The following NPLOC4 variants were observed in gnomAD, a reference collection of about 807,000 sequenced individuals.
The protein encoded by NPLOC4 is nuclear protein localization protein 4 homolog.
A neutral mutation model predicts 80.6 loss-of-function variants in NPLOC4; 18 were observed. The observed-to-expected ratio is 0.22, with a 90% CI of 0.15 to 0.33. The LOEUF (loss-of-function observed/expected upper bound fraction) is 0.33. Among genes scored for constraint, NPLOC4 ranks in the 10% least tolerant of loss-of-function variants. The pLI is 1.00. For synonymous variants in NPLOC4, 313 were observed against 301.5 expected (o/e 1.04, Z -0.39); for missense variants, 540 against 786.1 (o/e 0.69, Z 3.74).
intron 12 of NPLOC4, among the ~76,000 whole-genome samples, chr17:81,584,780 TA>T (rs1185702746): frequency 2.0e-5 from 3 of 152,018 alleles, no homozygotes; most frequent in African/African-American, 7.2e-5. Context: ...GTAACAGGCT[TA>T]AAAAAAATTA....
intron 12 of NPLOC4, among the ~76,000 whole-genome samples, chr17:81,573,216 A>G (rs559169232): frequency 6.6e-6 from 1 of 152,274 alleles, no homozygotes; most frequent in Non-Finnish European, 1.5e-5. Context: ...ATACATCCAT[A>G]ATTTCCAATT....
At chr17:81,589,138 A>G (rs755895053) in intron 11 of NPLOC4, 34 bp from the exon 12 acceptor site, 7 of 1,592,124 alleles carry the variant, frequency 4.4e-6, no homozygotes, top group Admixed American at 1.8e-5. Context: ...AGAGTCTACC[A>G]AACGGCATTC....
chr17:81,559,247 A>C lies in NPLOC4; in HGVS notation c.*12T>G. On this transcript the variant is annotated 3_prime_UTR_variant, in exon 17 of 17. Coordinates refer to ENST00000331134, the MANE Select transcript of NPLOC4 (RefSeq NM_017921.4). ...GGCTGGGCCCGGTCCTAGCCAGCAG[A>C]GGGCAGGCGCCCTAGGTCCTGGGGA... 2 of 1,593,682 alleles carry C rather than the reference A, an allele frequency of 1.3e-6. No homozygotes were observed. Among genetic ancestry groups the C allele is most frequent in the Non-Finnish European group, 1.7e-6 (2 of 1,171,248 alleles).
At chr17:81,598,537 C>G (rs949102423) in intron 9 of NPLOC4, among the ~76,000 whole-genome samples, 1 of 152,210 alleles carries the variant, frequency 6.6e-6, no homozygotes, top group African/African-American at 2.4e-5. Flanking sequence ...ATAATGCAGA[C>G]TTCACACAGC....
At position 81,577,972 on chromosome 17, in the gene NPLOC4, C is replaced by T. The variant is rs1451249157; in HGVS notation, c.1282-5884G>A. On this transcript the variant is annotated intron_variant, in intron 12 of 16. Coordinates refer to ENST00000331134, the MANE Select transcript of NPLOC4 (RefSeq NM_017921.4). This position sits in a 1 kb window ranked among gnomAD's most constrained non-coding sequence, Gnocchi z 4.3. ...AGGATGGGTCTTCTACAGCGGGGAC[C>T]TCCCCTGCCCACCCCATCCGGCTGT... Among the ~76,000 whole-genome samples the T allele has an allele frequency of 6.6e-6, 1 of 152,214 alleles. No individual in the cohort carries two copies. Among genetic ancestry groups the T allele is most frequent in the African/African-American group, 2.4e-5 (1 of 41,448 alleles).
At chr17:81,623,557 G>A (rs2035722842) in intron 2 of NPLOC4, among the ~76,000 whole-genome samples, 1 of 150,808 alleles carries the variant, frequency 6.6e-6, no homozygotes, top group South Asian at 2.1e-4. Flanking sequence ...CCAGCATTTT[G>A]GGAGGCCGAG....
At chr17:81,634,292 T>C (rs762590339) in intron 1 of NPLOC4, among the ~76,000 whole-genome samples, 1 of 151,764 alleles carries the variant, frequency 6.6e-6, no homozygotes, top group Non-Finnish European at 1.5e-5. Context: ...TGAGCCACCA[T>C]GCCCAGCCCA....
At chr17:81,598,164 ATG>A (rs1461334795) in intron 9 of NPLOC4, among the ~76,000 whole-genome samples, 3 of 151,982 alleles carry the variant, frequency 2.0e-5, no homozygotes, top group Non-Finnish European at 4.4e-5. Flanking sequence ...CTTAAAAAGA[ATG>A]TTCTCAGTCA....
intron 16 of NPLOC4, chr17:81,560,927 A>T (rs12449763): frequency 0.23 from 35,183 of 151,804 alleles, 4,401 homozygotes; most frequent in Admixed American, 0.3. Flanking sequence ...ACGGCTTCTC[A>T]TGTTTTAATT....
chr17:81,571,880 T>G (rs1013914144), intron 13 of NPLOC4, 137 bp downstream of exon 13: 1 of 483,726 alleles, frequency 2.1e-6, no homozygotes, highest in Admixed American at 3.4e-5. Flanking sequence ...TGGGTGCCTG[T>G]TCTGGGGTGG....
intron 8 of NPLOC4, among the ~76,000 whole-genome samples, chr17:81,601,767 T>C (rs1459474125): frequency 6.6e-6 from 1 of 152,168 alleles, no homozygotes; most frequent in Non-Finnish European, 1.5e-5. Context: ...CTACATCTAT[T>C]GCTATACAAA....
intron 5 of NPLOC4, 54 bp downstream of exon 5, chr17:81,610,156 G>C (rs1840369992): frequency 6.6e-7 from 1 of 1,507,960 alleles, no homozygotes; most frequent in Non-Finnish European, 9.0e-7. Context: ...TAAGACAGCT[G>C]TCTACCCGCA....
At chr17:81,570,240 G>A (rs377352359) in intron 13 of NPLOC4, among the ~76,000 whole-genome samples, 2 of 152,328 alleles carry the variant, frequency 1.3e-5, no homozygotes, top group African/African-American at 2.4e-5. Context: ...ACATGGCCTC[G>A]TCAGTTAGGG....
At chr17:81,569,599 C>T (rs1395931715) in intron 13 of NPLOC4, among the ~76,000 whole-genome samples, 1 of 152,224 alleles carries the variant, frequency 6.6e-6, no homozygotes, top group African/African-American at 2.4e-5. Flanking sequence ...AGACACAAAG[C>T]ACCCTTCAGC....
At chr17:81,593,167 A>AT (rs780380508) in intron 11 of NPLOC4, among the ~76,000 whole-genome samples, 1 of 152,160 alleles carries the variant, frequency 6.6e-6, no homozygotes, top group Admixed American at 6.5e-5. Flanking sequence ...CTGTTTTATA[A>AT]ATAGCCACAA....
At chr17:81,612,320 G>A (rs545499897) in intron 4 of NPLOC4, among the ~76,000 whole-genome samples, 15 of 152,102 alleles carry the variant, frequency 9.9e-5, no homozygotes, top group Non-Finnish European at 1.9e-4. Flanking sequence ...TTCCTAATAG[G>A]CAGGATCTAA....
chr17:81,566,451 T>C (rs1438848997), intron 15 of NPLOC4: 1 of 152,238 alleles, frequency 6.6e-6, no homozygotes, highest in Non-Finnish European at 1.5e-5. Flanking sequence ...AAGGTGGCTC[T>C]GGTGTAGAGG....
At chr17:81,631,702 G>C (rs8074989) in intron 1 of NPLOC4, among the ~76,000 whole-genome samples, 93,564 of 151,840 alleles carry the variant, frequency 0.62, 30,866 homozygotes, top group East Asian at 0.99. Flanking sequence ...AGGAACATGC[G>C]CATAAGTGTC....
intron 12 of NPLOC4, among the ~76,000 whole-genome samples, chr17:81,582,303 G>T (rs539650853): frequency 6.6e-6 from 1 of 152,340 alleles, no homozygotes; most frequent in Non-Finnish European, 1.5e-5. Flanking sequence ...GTACCAGGAG[G>T]TTTTCAGCTA....
Sources: allele counts gnomAD v4.1 joint callset (sites outside exome capture counted in the v4.1 genomes callset), GRCh38; gene constraint gnomAD v4.1.1; non-coding constraint Gnocchi (gnomAD v3.1); transcripts MANE v1.5; gene names NCBI Gene and HGNC (gene_info 2026-07-23, HGNC 2026-07-21).